The following PTPRM variants were observed in gnomAD, a reference collection of about 807,000 sequenced individuals.
PTPRM encodes receptor-type tyrosine-protein phosphatase mu.
Under a neutral mutation model 186.7 loss-of-function variants are expected in PTPRM, and 47 were observed. The observed-to-expected ratio is 0.25, with a 90% CI of 0.20 to 0.32. The LOEUF (loss-of-function observed/expected upper bound fraction) is 0.32. PTPRM is among the 10% of genes least tolerant of loss of function. The pLI, the probability that PTPRM is intolerant of heterozygous loss-of-function variation, is 1.00. For missense variants in PTPRM, 1,494 were observed against 1,865.0 expected, an observed-to-expected ratio of 0.80 and a Z score of 3.66; for synonymous variants, 668 against 674.9, an observed-to-expected ratio of 0.99 and a Z score of 0.16.
At chr18:8,103,151 T>G (rs2091366930) in intron 11 of PTPRM, among the ~76,000 whole-genome samples, 1 of 152,200 alleles carries the variant, frequency 6.6e-6, no homozygotes, top group South Asian at 2.1e-4. Context: ...CAGAGTAGGT[T>G]TAGCATGATT....
At chr18:7,734,043 C>T (rs2040717190) in intron 1 of PTPRM, among the ~76,000 whole-genome samples, 1 of 152,216 alleles carries the variant, frequency 6.6e-6, no homozygotes, top group Admixed American at 6.5e-5. Flanking sequence ...ACATTTCACA[C>T]TTATGAAGGG....
chr18:7,850,889 A>G (rs1297764098), intron 2 of PTPRM, among the ~76,000 whole-genome samples: 1 of 152,232 alleles, frequency 6.6e-6, no homozygotes, highest in Non-Finnish European at 1.5e-5. Flanking sequence ...CAAAAAGTAT[A>G]CAAATAGGAA....
intron 7 of PTPRM, among the ~76,000 whole-genome samples, chr18:8,052,640 G>C (rs970136582): frequency 4.6e-5 from 7 of 152,118 alleles, no homozygotes; most frequent in Non-Finnish European, 1.0e-4. Context: ...ATGCATGACT[G>C]TATTTTTGAA....
chr18:7,742,607 G>A (rs989922245), intron 1 of PTPRM, among the ~76,000 whole-genome samples: 3 of 152,200 alleles, frequency 2.0e-5, no homozygotes, highest in Admixed American at 2.0e-4. Context: ...GGCAGGCTGA[G>A]GTGGGAGGAT....
chr18:8,182,374 C>T (rs1157144849), intron 14 of PTPRM, among the ~76,000 whole-genome samples: 1 of 152,144 alleles, frequency 6.6e-6, no homozygotes, highest in Non-Finnish European at 1.5e-5. Context: ...ACCCTCCCTC[C>T]TCAAGACTCT....
chr18:8,156,257 T>A (rs1421814202), intron 14 of PTPRM, among the ~76,000 whole-genome samples: 1 of 152,176 alleles, frequency 6.6e-6, no homozygotes, highest in African/African-American at 2.4e-5. Flanking sequence ...TTAAAGAAGA[T>A]TTTATTTTAA....
intron 3 of PTPRM, among the ~76,000 whole-genome samples, chr18:7,894,449 G>C (rs1039436356): frequency 1.4e-4 from 22 of 152,022 alleles, no homozygotes; most frequent in African/African-American, 5.1e-4. Context: ...TAGCGGGCGT[G>C]GTGGCGGGCA....
intron 8 of PTPRM, among the ~76,000 whole-genome samples, chr18:8,071,655 C>G (rs996289371): frequency 6.6e-6 from 1 of 152,196 alleles, no homozygotes; most frequent in Admixed American, 6.5e-5. Context: ...GAGTGCTGGT[C>G]CCTGTGCCTG....
rs575564076 is a variant in PTPRM, at chr18:7,896,477, A to C, written c.468+8100A>C. On this transcript the variant is annotated intron_variant, in intron 3 of 32. Transcript: ENST00000580170. ...GAGCCCAGTCAGAGGCCAGGGAGGC[A>C]GTGATCTTTGATATAAATGGTTGCT... Among the ~76,000 whole-genome samples, 7 of 148,844 alleles carry C rather than the reference A, an allele frequency of 4.7e-5. No homozygotes were observed. The South Asian group carries it at 1.6e-3, about 34-fold the overall frequency.
At position 8,135,726 on chromosome 18, in the gene PTPRM, G is replaced by A. The variant is rs1054187565; in HGVS notation, c.2168-7921G>A. ...ATGACTTCCACTCTCTCCTAAGACCGTGTGAGTCCTCATCACAATTCTAAA... is the reference window on the plus strand; with the variant it reads ...ATGACTTCCACTCTCTCCTAAGACCATGTGAGTCCTCATCACAATTCTAAA... On this transcript the variant is annotated intron_variant, in intron 13 of 32. Coordinates refer to ENST00000580170, the MANE Select transcript of PTPRM (RefSeq NM_001105244.2). Among the ~76,000 whole-genome samples, 18 of 152,186 alleles carry A rather than the reference G, an allele frequency of 1.2e-4. 1 individual carries two copies. The highest frequency in any genetic ancestry group is 6.2e-4 in the South Asian group (3 of 4,830).
At chr18:7,790,461 C>T (rs1251072711) in intron 2 of PTPRM, among the ~76,000 whole-genome samples, 3 of 152,150 alleles carry the variant, frequency 2.0e-5, no homozygotes, top group Admixed American at 6.5e-5. Flanking sequence ...ATCAGCATAG[C>T]GGCTAGAGAG....
intron 13 of PTPRM, among the ~76,000 whole-genome samples, chr18:8,138,962 T>C (rs979157739): frequency 8.5e-5 from 13 of 152,182 alleles, no homozygotes; most frequent in Non-Finnish European, 2.9e-5. Context: ...CCATCCTCCT[T>C]GACCCGCCAT....
intron 1 of PTPRM, among the ~76,000 whole-genome samples, chr18:7,708,973 G>A (rs921369465): frequency 6.6e-6 from 1 of 152,116 alleles, no homozygotes; most frequent in Non-Finnish European, 1.5e-5. Flanking sequence ...TGGTTCAGAT[G>A]TTTATTATAA....
intron 7 of PTPRM, among the ~76,000 whole-genome samples, chr18:7,986,318 C>A (rs753620988): frequency 2.6e-5 from 4 of 152,174 alleles, no homozygotes; most frequent in Non-Finnish European, 5.9e-5. Context: ...AAAGCAGATT[C>A]CTTACTTTTA....
At chr18:7,831,786 C>A (rs2045775929) in intron 2 of PTPRM, among the ~76,000 whole-genome samples, 1 of 152,184 alleles carries the variant, frequency 6.6e-6, no homozygotes, top group Admixed American at 6.5e-5. Context: ...CATTACCCTT[C>A]CCAGCCTCTA....
At chr18:7,938,505 A>G (rs1173753472) in intron 5 of PTPRM, among the ~76,000 whole-genome samples, 1 of 152,178 alleles carries the variant, frequency 6.6e-6, no homozygotes, top group African/African-American at 2.4e-5. Flanking sequence ...AAATATATGA[A>G]AAAATGTTCG....
At position 8,090,423 on chromosome 18, in the gene PTPRM, C is replaced by A. The variant is rs1239554872; in HGVS notation, c.1856+1572C>A. ...TTCACTCAGATTCAATGCCTCCAAA[C>A]TGAAGGAAGCTGAAAGCTTAATCAT... is the stretch of plus-strand genomic sequence containing the variant. On this transcript the variant is annotated intron_variant, in intron 11 of 32. Coordinates refer to ENST00000580170, the MANE Select transcript of PTPRM (RefSeq NM_001105244.2). 5.9e-5 allele frequency among the ~76,000 whole-genome samples: 9 copies of A among 152,306 alleles called. No individual in the cohort carries two copies. In the East Asian group the frequency reaches 1.5e-3, roughly 26 times the overall value.
chr18:7,963,573 C>A (rs1427281348), intron 7 of PTPRM, among the ~76,000 whole-genome samples: 1 of 152,180 alleles, frequency 6.6e-6, no homozygotes, highest in Non-Finnish European at 1.5e-5. Flanking sequence ...TTTTTGAAAT[C>A]TTTGTAGGTG....
chr18:7,986,140 T>C (rs2082950663), intron 7 of PTPRM, among the ~76,000 whole-genome samples: 1 of 152,224 alleles, frequency 6.6e-6, no homozygotes, highest in South Asian at 2.1e-4. Context: ...AGAAAAATTC[T>C]GGAGAGGTTA....
Sources: gnomAD v4.1 joint callset for allele counts (sites outside exome capture counted in the v4.1 genomes callset) on GRCh38, gnomAD v4.1.1 for gene constraint, MANE v1.5 for transcripts, NCBI Gene and HGNC (gene_info 2026-07-23, HGNC 2026-07-21) for gene names.